Variants in ALDH1A2 observed in about 807,000 individuals in gnomAD.
ALDH1A2 encodes retinal dehydrogenase 2.
ALDH1A2 carries 27 observed loss-of-function variants against 60.3 expected under a neutral mutation model. That is an observed-to-expected ratio of 0.45 (90% CI 0.33 to 0.62). The LOEUF is 0.62. Among genes scored for constraint, ALDH1A2 ranks in the 20% least tolerant of loss-of-function variants. The pLI, the probability that ALDH1A2 is intolerant of heterozygous loss-of-function variation, is 0.02. For synonymous variants in ALDH1A2, 289 were observed against 232.4 expected (o/e 1.24, Z -2.21); for missense variants, 581 against 643.8 (o/e 0.90, Z 1.06).
At chr15:58,022,202 C>T (rs1370052142) in intron 1 of ALDH1A2, among the ~76,000 whole-genome samples, 1 of 152,150 alleles carries the variant, frequency 6.6e-6, no homozygotes, top group Non-Finnish European at 1.5e-5. Context: ...CTTTGTTCCC[C>T]ATTCCCGAGA....
At chr15:58,024,022 G>A (rs1183138383) in intron 1 of ALDH1A2, among the ~76,000 whole-genome samples, 6 of 152,226 alleles carry the variant, frequency 3.9e-5, no homozygotes, top group Non-Finnish European at 8.8e-5. Context: ...GAACCTGGGA[G>A]GTGGAGGTTG....
intron 4 of ALDH1A2, among the ~76,000 whole-genome samples, chr15:58,009,997 A>G (rs1448865895): frequency 3.3e-5 from 5 of 152,138 alleles, no homozygotes; most frequent in African/African-American, 1.2e-4. Flanking sequence ...ACTGACAGGT[A>G]AAGTACACAA....
chr15:58,032,603 G>T (rs1386941064), intron 1 of ALDH1A2, among the ~76,000 whole-genome samples: 4 of 152,006 alleles, frequency 2.6e-5, no homozygotes, highest in Non-Finnish European at 5.9e-5. Context: ...CAACCACTAT[G>T]GAAAACAGTG....
intron 4 of ALDH1A2, among the ~76,000 whole-genome samples, chr15:58,006,443 T>C (rs1304887442): frequency 6.6e-6 from 1 of 151,984 alleles, no homozygotes; most frequent in Non-Finnish European, 1.5e-5. Flanking sequence ...GGTACCATAT[T>C]TTTGCAGTTT....
At chr15:58,041,851 T>C (rs1180336037) in intron 1 of ALDH1A2, among the ~76,000 whole-genome samples, 2 of 151,892 alleles carry the variant, frequency 1.3e-5, no homozygotes, top group Non-Finnish European at 2.9e-5. Context: ...CATACATACC[T>C]AGGATCAAGT....
intron 7 of ALDH1A2, among the ~76,000 whole-genome samples, chr15:57,972,693 G>T (rs1418068033): frequency 1.3e-5 from 2 of 152,154 alleles, no homozygotes; most frequent in African/African-American, 4.8e-5. Context: ...AAAAAGAGAA[G>T]TTTTATGCTA....
chr15:57,967,854 C>T (rs1199096019), intron 7 of ALDH1A2, among the ~76,000 whole-genome samples: 2 of 152,164 alleles, frequency 1.3e-5, no homozygotes, highest in Non-Finnish European at 2.9e-5. Flanking sequence ...GACCTGGTCT[C>T]AGTAAAGGCC....
At position 58,013,963 on chromosome 15, in the gene ALDH1A2, C is replaced by G. The variant is rs61757678; in HGVS notation, c.258G>C (p.Leu86=). 2 of 1,614,070 alleles carry G rather than the reference C, an allele frequency of 1.2e-6. No homozygotes were observed. The highest frequency in any genetic ancestry group is 1.7e-6 in the Non-Finnish European group (2 of 1,179,994). Reference sequence around the variant, plus strand: ...TCCACACTGAACCAAGAGAGAAAGCCAGGCGGGCTGCCTGCACTGCTTTGT... The same window carrying G: ...TCCACACTGAACCAAGAGAGAAAGCGAGGCGGGCTGCCTGCACTGCTTTGT... ...DIDKAVQAAR[L]AFSLGSVWRR... Residue 86 remains leucine, a synonymous_variant, in exon 3 of 13, where the codon CTG becomes CTC. Coordinates refer to ENST00000249750, the MANE Select transcript of ALDH1A2 (RefSeq NM_003888.4).
At chr15:57,999,257 G>A (rs1162234007) in intron 4 of ALDH1A2, among the ~76,000 whole-genome samples, 2 of 150,872 alleles carry the variant, frequency 1.3e-5, no homozygotes, top group African/African-American at 4.8e-5. Flanking sequence ...AGAGTGAACA[G>A]CCTACAGAAT....
chr15:57,993,045 C>G lies in ALDH1A2; in HGVS notation c.584G>C (p.Trp195Ser). The G allele has an allele frequency of 6.2e-7, 1 of 1,613,014 alleles. No homozygotes were observed. Among genetic ancestry groups the G allele is most frequent in the Non-Finnish European group, 8.5e-7 (1 of 1,179,932 alleles). ...PWNFPLLMFA[W>S]KIAPALCCGN... is the part of the protein sequence containing the mutation. ...ACAGCACAAAGCTGGAGCTATTTTC[C>G]AGGCAAACATCAGCAGGGGGAAGTT... The change falls in exon 6 of 13, where the codon TGG becomes TCG. Residue 195 changes from tryptophan to serine, a missense_variant. By Grantham distance (177) the Trp-to-Ser change is radical. This residue lies in a region of ALDH1A2 where 375 missense variants were observed against 469.7 expected (regional missense o/e 0.80). Coordinates refer to ENST00000249750, the MANE Select transcript of ALDH1A2 (RefSeq NM_003888.4).
chr15:57,982,437 A>T (rs542666325), intron 7 of ALDH1A2, among the ~76,000 whole-genome samples: 2 of 152,322 alleles, frequency 1.3e-5, no homozygotes, highest in East Asian at 1.9e-4. Context: ...AGAGAGACGC[A>T]AACTATAGAG....
At chr15:58,041,033 T>C (rs1400345003) in intron 1 of ALDH1A2, among the ~76,000 whole-genome samples, 1 of 151,928 alleles carries the variant, frequency 6.6e-6, no homozygotes, top group Non-Finnish European at 1.5e-5. Flanking sequence ...GGTGGTGCCC[T>C]GGAGCAACTT....
At chr15:58,014,930 A>C (rs570789044) in intron 1 of ALDH1A2, among the ~76,000 whole-genome samples, 101 of 152,210 alleles carry the variant, frequency 6.6e-4, no homozygotes, top group Non-Finnish European at 1.3e-3. Context: ...ATTTCTTAAA[A>C]GGCTTGGTCT....
chr15:57,956,275 T>G (rs1420740709), intron 12 of ALDH1A2, among the ~76,000 whole-genome samples: 1 of 152,226 alleles, frequency 6.6e-6, no homozygotes, highest in Non-Finnish European at 1.5e-5. Flanking sequence ...TTCTACCCTG[T>G]TGTCATATCT....
chr15:58,058,861 A>G (rs1896957966), intron 1 of ALDH1A2, among the ~76,000 whole-genome samples: 1 of 152,206 alleles, frequency 6.6e-6, no homozygotes, highest in Non-Finnish European at 1.5e-5. Context: ...ACGCAGACAT[A>G]CTAATTTTTA....
intron 1 of ALDH1A2, among the ~76,000 whole-genome samples, chr15:58,024,758 C>T (rs1302015711): frequency 6.6e-6 from 1 of 152,140 alleles, no homozygotes; most frequent in Non-Finnish European, 1.5e-5. Flanking sequence ...TTCATCAGCA[C>T]ATGCAATATT....
Position 57,954,965 on chromosome 15 carries a change from C to T in ALDH1A2, c.*232G>A. 1 of 594,332 alleles carries T rather than the reference C, an allele frequency of 1.7e-6. No individual in the cohort carries two copies. Among genetic ancestry groups the T allele is most frequent in the Non-Finnish European group, 3.0e-6 (1 of 331,934 alleles). The allele number at this position is 594,332 out of a possible 1,614,324, so 36.8% of individuals were successfully genotyped here. On this transcript the variant is annotated 3_prime_UTR_variant, in exon 13 of 13. Transcript: ENST00000249750. ...TGCTAGCTCCTCCTCCTCCCTTTAT[C>T]CCACTTTCCCCAATATTTGGTATGA...
intron 7 of ALDH1A2, among the ~76,000 whole-genome samples, chr15:57,986,562 C>T (rs188500656): frequency 9.1e-4 from 20 of 22,092 alleles, no homozygotes; most frequent in African/African-American, 4.0e-3. Context: ...TCAAAATTAA[C>T]AGAAAAGCCA....
chr15:58,035,921 T>A (rs954619490), intron 1 of ALDH1A2, among the ~76,000 whole-genome samples: 5 of 151,672 alleles, frequency 3.3e-5, no homozygotes, highest in African/African-American at 9.7e-5. Context: ...CCAGAACTGG[T>A]ATTGGCATTC....
Sources: allele counts gnomAD v4.1 joint callset (sites outside exome capture counted in the v4.1 genomes callset), GRCh38; gene constraint gnomAD v4.1.1; regional missense constraint gnomAD v4.1.1; transcripts MANE v1.5; gene names NCBI Gene and HGNC (gene_info 2026-07-23, HGNC 2026-07-21).